The following SYTL3 variants were observed in gnomAD, a reference collection of about 807,000 sequenced individuals.
SYTL3 encodes synaptotagmin like 3.
In SYTL3, 88 loss-of-function variants were observed where a neutral mutation model predicts 82.1. The ratio of observed to expected loss-of-function variants is 1.07; its 90% CI spans 0.90 to 1.28. The LOEUF (loss-of-function observed/expected upper bound fraction) is 1.28, where lower values mean the gene tolerates loss of function less well. Among genes scored for constraint, SYTL3 ranks in the 50% most tolerant of loss-of-function variants. The pLI is 0.00. For synonymous variants in SYTL3, 311 were observed against 289.4 expected (o/e 1.07, Z -0.76); for missense variants, 831 against 757.6 (o/e 1.10, Z -1.14).
chr6:158,743,636 G>T (rs1787223142), intron 11 of SYTL3, among the ~76,000 whole-genome samples: 1 of 124,272 alleles, frequency 8.0e-6, no homozygotes, highest in Non-Finnish European at 1.8e-5. Context: ...GGTAGAGATG[G>T]GGTTTTACCA....
chr6:158,729,462 T>A (rs1191777266), intron 11 of SYTL3, among the ~76,000 whole-genome samples: 2 of 152,170 alleles, frequency 1.3e-5, no homozygotes, highest in Non-Finnish European at 2.9e-5. Flanking sequence ...CCCCACCTCT[T>A]CATACTATCA....
intron 11 of SYTL3, among the ~76,000 whole-genome samples, chr6:158,730,434 G>A (rs943621414): frequency 6.6e-6 from 1 of 152,198 alleles, no homozygotes; most frequent in Non-Finnish European, 1.5e-5. Context: ...TAGTAGTAAG[G>A]AACAAGCATT....
intron 6 of SYTL3, among the ~76,000 whole-genome samples, chr6:158,698,941 T>TAACA (rs1780859240): frequency 6.6e-6 from 1 of 152,156 alleles, no homozygotes; most frequent in African/African-American, 2.4e-5. Context: ...CACAGGATGT[T>TAACA]ATTCCCACTC....
chr6:158,732,186 A>G (rs1785491947), intron 11 of SYTL3, among the ~76,000 whole-genome samples: 1 of 152,218 alleles, frequency 6.6e-6, no homozygotes, highest in South Asian at 2.1e-4. Flanking sequence ...GACTGCTTCC[A>G]TAGGTCTTTG....
intron 6 of SYTL3, among the ~76,000 whole-genome samples, chr6:158,693,257 A>G (rs1780116435): frequency 6.6e-6 from 1 of 152,184 alleles, no homozygotes; most frequent in Admixed American, 6.5e-5. Flanking sequence ...TCATTTTGTC[A>G]CCTAACCTGG....
intron 13 of SYTL3, among the ~76,000 whole-genome samples, chr6:158,753,678 C>G (rs952176488): frequency 6.9e-6 from 1 of 144,606 alleles, no homozygotes; most frequent in African/African-American, 2.6e-5. Context: ...TGCAGTGAGC[C>G]GAGATAGCGC....
chr6:158,646,717 A>G (rs955860098), upstream of SYTL3, among the ~76,000 whole-genome samples: 1 of 152,156 alleles, frequency 6.6e-6, no homozygotes, highest in African/African-American at 2.4e-5. Context: ...TGGATTCTGA[A>G]CTTTATCTAC....
At chr6:158,651,376 A>G (rs887836720) in intron 1 of SYTL3, among the ~76,000 whole-genome samples, 6 of 152,132 alleles carry the variant, frequency 3.9e-5, no homozygotes, top group Non-Finnish European at 8.8e-5. Flanking sequence ...ATGGATCATG[A>G]GGTCAAGAGA....
intron 8 of SYTL3, among the ~76,000 whole-genome samples, chr6:158,710,955 T>C (rs1009076779): frequency 4.6e-5 from 7 of 152,100 alleles, no homozygotes; most frequent in African/African-American, 1.4e-4. Flanking sequence ...TAATTTGTTT[T>C]GTATCTTCAG....
intron 6 of SYTL3, among the ~76,000 whole-genome samples, chr6:158,702,978 C>A (rs1387741364): frequency 6.6e-6 from 1 of 151,750 alleles, no homozygotes; most frequent in African/African-American, 2.4e-5. Flanking sequence ...TACGGTGAAA[C>A]CCCATCTCTA....
intron 12 of SYTL3, among the ~76,000 whole-genome samples, chr6:158,746,169 C>G (rs566836390): frequency 6.6e-6 from 1 of 152,078 alleles, no homozygotes; most frequent in East Asian, 1.9e-4. Flanking sequence ...GGGCTGCACC[C>G]TCATGACCTA....
chr6:158,660,375 T>C (rs1789235717), intron 2 of SYTL3, among the ~76,000 whole-genome samples: 1 of 152,228 alleles, frequency 6.6e-6, no homozygotes, highest in South Asian at 2.1e-4. Flanking sequence ...GGAAATGAAC[T>C]GAATTTCATT....
chr6:158,692,450 C>T (rs1780011987), intron 6 of SYTL3, among the ~76,000 whole-genome samples: 1 of 151,860 alleles, frequency 6.6e-6, no homozygotes. Context: ...ATTATTGTAT[C>T]TTATAATTAT....
chr6:158,755,246 G>A (rs996791486), intron 13 of SYTL3, among the ~76,000 whole-genome samples: 2 of 152,212 alleles, frequency 1.3e-5, no homozygotes, highest in Non-Finnish European at 2.9e-5. Context: ...GGGAAGCTGA[G>A]GTGGGAGGAT....
intron 6 of SYTL3, among the ~76,000 whole-genome samples, chr6:158,697,774 A>T (rs532939727): frequency 1.1e-3 from 162 of 152,180 alleles, no homozygotes; most frequent in Non-Finnish European, 2.0e-3. Context: ...CCAAACCTGA[A>T]CCAGTCACCC....
At chr6:158,760,559 G>T in intron 14 of SYTL3, 81 bp from the exon 15 acceptor site, 1 of 1,246,962 alleles carries the variant, frequency 8.0e-7, no homozygotes, top group Non-Finnish European at 1.2e-6. Context: ...ATCTGTGGAC[G>T]AAGCTGAGAC....
intron 16 of SYTL3, 97 bp downstream of exon 16, chr6:158,762,275 T>G: frequency 2.4e-6 from 2 of 821,372 alleles, no homozygotes; most frequent in Middle Eastern, 2.3e-4. Context: ...GTAAGCCACT[T>G]AAAACGTCTT....
Position 158,727,689 on chromosome 6 carries a change from C to CTTTTTTTTTTTTTTTTTT in SYTL3, c.855+2064_855+2065insTTTTTTTTTTTTTTTTTT, listed in dbSNP as rs55657606. ...CATGTGCGTGTCTCATCCAAGTACT[C>CTTTTTTTTTTTTTTTTTT]TTTTTTTTTTTTGAGATGAAGTCTC... is the stretch of plus-strand genomic sequence containing the variant. On this transcript the variant is annotated intron_variant, in intron 11 of 17. Coordinates refer to ENST00000611299, the MANE Select transcript of SYTL3 (RefSeq NM_001242394.2). 1.9e-4 allele frequency among the ~76,000 whole-genome samples: 20 copies of CTTTTTTTTTTTTTTTTTT among 106,704 alleles called. 2 individuals carry two copies. The highest frequency in any genetic ancestry group is 6.1e-4 in the African/African-American group (14 of 23,070). 70.0% of individuals were successfully genotyped at this position (106,704 alleles called of 152,430 possible). A position where few individuals can be genotyped will look rare whatever the true frequency, so the allele number is the denominator to read the frequency against.
chr6:158,700,142 G>A (rs1583282644), intron 6 of SYTL3, among the ~76,000 whole-genome samples: 1 of 152,106 alleles, frequency 6.6e-6, no homozygotes, highest in East Asian at 1.9e-4. Context: ...TGTAATCCCA[G>A]CTACTTGGGA....
Sources: gnomAD v4.1 joint callset for allele counts (sites outside exome capture counted in the v4.1 genomes callset) on GRCh38, gnomAD v4.1.1 for gene constraint, MANE v1.5 for transcripts, NCBI Gene and HGNC (gene_info 2026-07-23, HGNC 2026-07-21) for gene names.